PACRGL: variants seen among roughly 807,000 people sequenced by gnomAD.
PACRGL encodes parkin coregulated like.
In PACRGL, 38 loss-of-function variants were observed where a neutral mutation model predicts 34.5. The observed-to-expected ratio is 1.10, with a 90% CI of 0.85 to 1.44. The LOEUF (loss-of-function observed/expected upper bound fraction) is 1.44, where lower values mean the gene tolerates loss of function less well. Among genes scored for constraint, PACRGL ranks in the 40% most tolerant of loss-of-function variants. PACRGL has a pLI of 0.00. For missense variants in PACRGL, 305 were observed against 281.4 expected (o/e 1.08, Z -0.60); for synonymous variants, 128 against 100.1 (o/e 1.28, Z -1.66).
intron 8 of PACRGL, among the ~76,000 whole-genome samples, chr4:20,748,056 C>G (rs139232791): frequency 1.1e-4 from 16 of 152,198 alleles, no homozygotes; most frequent in Non-Finnish European, 2.2e-4. Flanking sequence ...TGCACTCTTG[C>G]AATACTTAGC....
chr4:20,765,796 G>T, the PACRGL span, among the ~76,000 whole-genome samples: 4 of 152,124 alleles, frequency 2.6e-5, no homozygotes, highest in South Asian at 8.3e-4. Flanking sequence ...CAATATAACT[G>T]CCATAGATTT....
At chr4:20,744,604 C>G (rs187107320) in intron 8 of PACRGL, among the ~76,000 whole-genome samples, 1 of 148,910 alleles carries the variant, frequency 6.7e-6, no homozygotes, top group African/African-American at 2.5e-5. Context: ...ACATCACACA[C>G]GGGGGCCTGA....
intron 7 of PACRGL, among the ~76,000 whole-genome samples, chr4:20,720,332 T>G (rs1742409021): frequency 6.6e-6 from 1 of 152,204 alleles, no homozygotes; most frequent in Non-Finnish European, 1.5e-5. Flanking sequence ...CATTTATATT[T>G]AAGGTTAGTA....
the PACRGL span, chr4:20,767,175 T>C: frequency 6.6e-6 from 1 of 152,194 alleles, no homozygotes; most frequent in East Asian, 1.9e-4. Flanking sequence ...CGTGGTTGAA[T>C]CTAGAATAAC....
At chr4:20,706,788 A>G (rs1271446266) in intron 3 of PACRGL, among the ~76,000 whole-genome samples, 2 of 151,966 alleles carry the variant, frequency 1.3e-5, no homozygotes, top group African/African-American at 2.4e-5. Context: ...GTTAGCCAGG[A>G]TGGTCTCGAT....
chr4:20,716,039 A>T (rs904681015), intron 7 of PACRGL: 14 of 1,422,332 alleles, frequency 9.8e-6, no homozygotes, highest in South Asian at 9.4e-5. Context: ...TGAATCTGTA[A>T]ATTGCATTCA....
Position 20,712,833 on chromosome 4 carries a change from G to GTAA in PACRGL, c.412_413insTAA (p.Gly138delinsValSer). On this transcript the variant is annotated protein_altering_variant, in exon 6 of 9. Transcript: ENST00000503585. ...TCCATACACTTTTGTGTCAAAGGAG[G>GTAA]GTTTTAGAGAATTACTTTTGGTCAA... 6.3e-7 allele frequency: 1 copy of GTAA among 1,597,788 alleles called. No individual in the cohort carries two copies. Among genetic ancestry groups the GTAA allele is most frequent in the South Asian group, 1.1e-5 (1 of 88,058 alleles).
At chr4:20,724,207 G>C (rs908321267) in intron 7 of PACRGL, among the ~76,000 whole-genome samples, 1 of 152,128 alleles carries the variant, frequency 6.6e-6, no homozygotes, top group African/African-American at 2.4e-5. Context: ...CTGGGCTTCT[G>C]CTCTGGGATT....
At chr4:20,734,632 T>C (rs1369489608), downstream of PACRGL, 4 of 1,474,928 alleles carry the variant, frequency 2.7e-6, no homozygotes, top group Non-Finnish European at 2.8e-6. Context: ...CCTTACCTCT[T>C]TAGTGATGTA....
intron 7 of PACRGL, chr4:20,718,923 A>C (rs1051140155): frequency 3.9e-5 from 6 of 152,014 alleles, no homozygotes; most frequent in African/African-American, 7.3e-5. Flanking sequence ...TCCTCCTTGT[A>C]CCTCTGGTGG....
At chr4:20,734,531 CAAA>C, downstream of PACRGL, 1 of 606,110 alleles carries the variant, frequency 1.6e-6, no homozygotes. Flanking sequence ...GGAATTTCCT[CAAA>C]AAAACTTTTC....
downstream of PACRGL, among the ~76,000 whole-genome samples, chr4:20,753,755 CCTAGGA>C (rs1355008059): frequency 1.3e-5 from 2 of 152,156 alleles, no homozygotes; most frequent in Non-Finnish European, 2.9e-5. Context: ...GAAATACTGT[CCTAGGA>C]CAAGAAGGAT....
At chr4:20,764,121 T>A in the PACRGL span, among the ~76,000 whole-genome samples, 1 of 152,182 alleles carries the variant, frequency 6.6e-6, no homozygotes, top group Non-Finnish European at 1.5e-5. Context: ...GGTTCTGTAT[T>A]CTATTTTCTA....
intron 1 of PACRGL, chr4:20,702,030 A>G: frequency 2.3e-6 from 1 of 439,714 alleles, no homozygotes; most frequent in Admixed American, 2.5e-5. Context: ...GTTGTCCTGT[A>G]TACTCATAAA....
chr4:20,742,331 A>G (rs1156929263), intron 8 of PACRGL, among the ~76,000 whole-genome samples: 1 of 152,188 alleles, frequency 6.6e-6, no homozygotes, highest in Non-Finnish European at 1.5e-5. Context: ...AAATATTAGC[A>G]AACCGAATCC....
At chr4:20,746,384 C>T (rs1390567558) in intron 8 of PACRGL, among the ~76,000 whole-genome samples, 1 of 151,058 alleles carries the variant, frequency 6.6e-6, no homozygotes, top group Non-Finnish European at 1.5e-5. Context: ...GGGTGGGGGG[C>T]TAGGGGAGGG....
At chr4:20,756,073 T>C (rs1010051508), downstream of PACRGL, among the ~76,000 whole-genome samples, 2 of 151,908 alleles carry the variant, frequency 1.3e-5, no homozygotes, top group African/African-American at 4.8e-5. Context: ...GAGTAGACCA[T>C]GGTTAGGGGA....
In PACRGL at chr4:20,727,363, G is replaced by T. The variant is rs757463354; in HGVS notation, c.*22G>T. The T allele has an allele frequency of 5.0e-6, 8 of 1,589,460 alleles. No individual in the cohort carries two copies. The South Asian group carries it at 6.6e-5, about 13-fold the overall frequency. On this transcript the variant is annotated 3_prime_UTR_variant, in exon 9 of 9. Transcript: ENST00000503585. ...TTGAAGAAGGGAGCCAACAAAAATT[G>T]TTTTTTCTACCTGTTGACGTGTCAA...
chr4:20,704,595 A>C (rs1238299892), intron 2 of PACRGL, 62 bp downstream of exon 2: 1 of 1,613,010 alleles, frequency 6.2e-7, no homozygotes, highest in Admixed American at 1.7e-5. Flanking sequence ...TCTGTGCTAC[A>C]GATGGATGCA....
Sources: gnomAD v4.1 joint callset for allele counts (sites outside exome capture counted in the v4.1 genomes callset) on GRCh38, gnomAD v4.1.1 for gene constraint, MANE v1.5 for transcripts, NCBI Gene and HGNC (gene_info 2026-07-23, HGNC 2026-07-21) for gene names.